The following NRXN1 variants were observed in gnomAD, a reference collection of about 807,000 sequenced individuals.
NRXN1 encodes the protein neurexin-1.
NRXN1 carries 39 observed loss-of-function variants against 150.9 expected under a neutral mutation model. That is an observed-to-expected ratio of 0.26 (90% CI 0.20 to 0.34). NRXN1 has a LOEUF of 0.34. Ranked by LOEUF, NRXN1 falls within the 10% of genes least tolerant of loss-of-function variation. The pLI, the probability that NRXN1 is intolerant of heterozygous loss-of-function variation, is 1.00. For missense variants in NRXN1, 1,815 were observed against 1,949.9 expected, an observed-to-expected ratio of 0.93 and a Z score of 1.30; for synonymous variants, 924 against 757.0, an observed-to-expected ratio of 1.22 and a Z score of -3.62.
chr2:50,426,762 A>C (rs2084530850), intron 17 of NRXN1, among the ~76,000 whole-genome samples: 1 of 152,188 alleles, frequency 6.6e-6, no homozygotes, highest in African/African-American at 2.4e-5. Flanking sequence ...TAGCTACCCA[A>C]ACCTTAAGAT....
rs779366768 is a variant in NRXN1 at position 49,943,653 on chromosome 2, C to T, written c.4216+51G>A. The T allele has an allele frequency of 4.8e-6, 6 of 1,247,928 alleles. No homozygotes were observed. The East Asian group carries it at 9.6e-5, about 20-fold the overall frequency. The allele number at this position is 1,247,928 out of a possible 1,614,324, so 77.3% of individuals were successfully genotyped here. ...AGGCCCTTCTAAGGAATATAACATG[C>T]AACAAAGATTTACAGTAAAGCCAAG... On this transcript the variant is annotated intron_variant, in intron 22 of 22. Transcript: ENST00000401669.
chr2:49,970,292 G>C (rs1677726395), intron 21 of NRXN1: 1 of 151,980 alleles, frequency 6.6e-6, no homozygotes. Flanking sequence ...AGTTACTTAT[G>C]ATTAATCAAA....
chr2:50,839,290 C>G (rs1042637790), intron 5 of NRXN1, among the ~76,000 whole-genome samples: 4 of 151,968 alleles, frequency 2.6e-5, no homozygotes, highest in Non-Finnish European at 4.4e-5. Context: ...CTCATGATCC[C>G]TTTACTATTA....
At chr2:50,479,796 T>G (rs1231877829) in intron 15 of NRXN1, among the ~76,000 whole-genome samples, 1 of 108,994 alleles carries the variant, frequency 9.2e-6, no homozygotes, top group African/African-American at 3.4e-5. Context: ...TTTTTTGAGA[T>G]GGAGTCTTGC....
intron 8 of NRXN1, among the ~76,000 whole-genome samples, chr2:50,603,950 A>T (rs1273710249): frequency 1.3e-5 from 2 of 152,124 alleles, no homozygotes; most frequent in Non-Finnish European, 2.9e-5. Context: ...TTTCACTTTA[A>T]TCTGAAGCAT....
intron 19 of NRXN1, among the ~76,000 whole-genome samples, chr2:50,072,671 G>T (rs889896820): frequency 6.7e-6 from 1 of 149,994 alleles, no homozygotes; most frequent in Non-Finnish European, 1.5e-5. Context: ...AAAACTGAAC[G>T]AATGTCTTAC....
intron 8 of NRXN1, among the ~76,000 whole-genome samples, chr2:50,608,344 T>C (rs985607798): frequency 6.6e-6 from 1 of 152,146 alleles, no homozygotes; most frequent in Admixed American, 6.6e-5. Context: ...GGGATCTTAC[T>C]AAAATGTAGA....
chr2:50,137,092 AT>A (rs542620332), intron 18 of NRXN1, among the ~76,000 whole-genome samples: 2 of 151,574 alleles, frequency 1.3e-5, no homozygotes, highest in East Asian at 1.9e-4. Flanking sequence ...AACCAAGTAG[AT>A]TTTTTTTTAC....
chr2:50,687,512 T>A (rs556034252), intron 5 of NRXN1, among the ~76,000 whole-genome samples: 2 of 152,198 alleles, frequency 1.3e-5, no homozygotes, highest in South Asian at 2.1e-4. Context: ...GCTGTCACTG[T>A]GTCTCTTCTC....
At chr2:49,939,746 G>C (rs775363818) in intron 22 of NRXN1, among the ~76,000 whole-genome samples, 1 of 152,154 alleles carries the variant, frequency 6.6e-6, no homozygotes, top group Admixed American at 6.5e-5. Context: ...CACCATTTAT[G>C]TTCTACATTA....
chr2:50,496,931 AG>A (rs1301256695), intron 14 of NRXN1, among the ~76,000 whole-genome samples: 2 of 152,230 alleles, frequency 1.3e-5, no homozygotes, highest in Non-Finnish European at 2.9e-5. Flanking sequence ...TTGAGTTAAA[AG>A]GGTTTTTTTG....
chr2:50,580,219 C>T (rs918056091), intron 8 of NRXN1, among the ~76,000 whole-genome samples: 1 of 152,068 alleles, frequency 6.6e-6, no homozygotes, highest in African/African-American at 2.4e-5. Flanking sequence ...ATTATAAACT[C>T]AGAAATCGAT....
chr2:50,605,283 C>G (rs145930123), intron 8 of NRXN1, among the ~76,000 whole-genome samples: 2 of 152,192 alleles, frequency 1.3e-5, no homozygotes, highest in African/African-American at 4.8e-5. Flanking sequence ...TAGTGTGACT[C>G]TTTGGAATCT....
intron 19 of NRXN1, among the ~76,000 whole-genome samples, chr2:50,061,954 C>T (rs751511277): frequency 6.6e-6 from 1 of 152,026 alleles, no homozygotes; most frequent in African/African-American, 2.4e-5. Flanking sequence ...GGAAAGACTC[C>T]CTTCCCCCCA....
At chr2:50,221,907 T>A (rs547630034) in intron 18 of NRXN1, among the ~76,000 whole-genome samples, 1 of 152,100 alleles carries the variant, frequency 6.6e-6, no homozygotes, top group South Asian at 2.1e-4. Context: ...GCAGAATACA[T>A]CTGTTGCTAC....
intron 8 of NRXN1, among the ~76,000 whole-genome samples, chr2:50,571,859 C>A (rs1670718993): frequency 6.6e-6 from 1 of 152,128 alleles, no homozygotes; most frequent in Non-Finnish European, 1.5e-5. Flanking sequence ...GGGTGGCCTT[C>A]CTCCCCAACA....
intron 17 of NRXN1, among the ~76,000 whole-genome samples, chr2:50,401,273 TAGTAA>T (rs2082374691): frequency 6.6e-6 from 1 of 152,166 alleles, no homozygotes. Flanking sequence ...GAAGGCCTGC[TAGTAA>T]AATTACTCTT....
At chr2:50,065,557 A>G (rs1000155229) in intron 19 of NRXN1, among the ~76,000 whole-genome samples, 3 of 152,206 alleles carry the variant, frequency 2.0e-5, no homozygotes, top group Non-Finnish European at 4.4e-5. Flanking sequence ...TCAACGATTT[A>G]TCAGGAGGAT....
At chr2:50,652,810 T>C (rs1559077719) in intron 5 of NRXN1, among the ~76,000 whole-genome samples, 1 of 152,094 alleles carries the variant, frequency 6.6e-6, no homozygotes, top group Non-Finnish European at 1.5e-5. Context: ...AGCAGCAATG[T>C]ATGAAGGTTC....
Sources: gnomAD v4.1 joint callset for allele counts (sites outside exome capture counted in the v4.1 genomes callset) on GRCh38, gnomAD v4.1.1 for gene constraint, MANE v1.5 for transcripts, NCBI Gene and HGNC (gene_info 2026-07-23, HGNC 2026-07-21) for gene names.